ZHX3: variants seen among roughly 807,000 people sequenced by gnomAD.
ZHX3 encodes the protein zinc fingers and homeoboxes 3, also known as zinc fingers and homeoboxes protein 3.
A neutral mutation model predicts 64.5 loss-of-function variants in ZHX3; 20 were observed. The observed-to-expected ratio is 0.31, with a 90% CI of 0.22 to 0.45. The LOEUF is 0.45. Ranked by LOEUF, ZHX3 falls within the 20% of genes least tolerant of loss-of-function variation. The pLI is 1.00. For missense variants in ZHX3, 1,041 were observed against 1,195.8 expected (o/e 0.87, Z 1.91); for synonymous variants, 423 against 461.6 (o/e 0.92, Z 1.07).
rs1372332177 is a variant in ZHX3 at position 41,202,773 on chromosome 20, T to A, written c.2144A>T (p.His715Leu). Residue 715 changes from histidine to leucine, a missense_variant, in exon 3 of 4, where the codon CAT (histidine) becomes CTT (leucine). By Grantham distance (99) the His-to-Leu change is moderately conservative. Transcript: ENST00000683867. The surrounding 1 kb of genome is among the most constrained non-coding windows in gnomAD (Gnocchi z 7.0). ...ENGSLEMPSSHILAERKVSPI... is the reference protein window; with the variant it reads ...ENGSLEMPSSLILAERKVSPI... ...GCTGACTTTGCGCTCTGCCAAGATA[T>A]GGCTGCTGGGCATTTCCAGAGAGCC... 6.2e-7 allele frequency: 1 copy of A among 1,614,174 alleles called. No individual in the cohort carries two copies. The highest frequency in any genetic ancestry group is 2.2e-5 in the East Asian group (1 of 44,876).
intron 2 of ZHX3, among the ~76,000 whole-genome samples, chr20:41,208,643 C>T (rs926860750): frequency 2.0e-5 from 3 of 152,076 alleles, no homozygotes; most frequent in South Asian, 4.2e-4. Flanking sequence ...ATTCAACAGC[C>T]CTTCATGCTA....
chr20:41,253,245 T>TA (rs11469825), intron 2 of ZHX3, among the ~76,000 whole-genome samples: 1,660 of 144,248 alleles, frequency 0.012, 13 homozygotes, highest in Middle Eastern at 0.018. Context: ...GGGACTACAG[T>TA]AAAAAAAAAA....
At position 41,184,459 on chromosome 20, in the gene ZHX3, G is replaced by GT. The variant is rs2036361236; in HGVS notation, c.*731dup. Reference sequence around the variant, plus strand: ...ACTCCCATGAAAAAGCAGAATTACGGTAACAACTAAAGAGAATGGTAAAGC... The same window carrying GT: ...ACTCCCATGAAAAAGCAGAATTACGGTTAACAACTAAAGAGAATGGTAAAGC... On this transcript the variant is annotated 3_prime_UTR_variant, in exon 4 of 4. Transcript: ENST00000683867. 1 of 157,920 alleles carries GT rather than the reference G, an allele frequency of 6.3e-6. No homozygotes were observed. Among genetic ancestry groups the GT allele is most frequent in the Admixed American group, 6.2e-5 (1 of 16,156 alleles). 9.8% of individuals were successfully genotyped at this position (157,920 alleles called of 1,614,324 possible). A position where few individuals can be genotyped will look rare whatever the true frequency, so the allele number is the denominator to read the frequency against.
intron 1 of ZHX3, among the ~76,000 whole-genome samples, chr20:41,306,011 A>T (rs2044969109): frequency 6.6e-6 from 1 of 152,174 alleles, no homozygotes; most frequent in Non-Finnish European, 1.5e-5. Context: ...ATTTCTGGTT[A>T]TATAGTAAAT....
chr20:41,272,560 C>T (rs1241147695), intron 1 of ZHX3, among the ~76,000 whole-genome samples: 1 of 152,158 alleles, frequency 6.6e-6, no homozygotes, highest in Non-Finnish European at 1.5e-5. Flanking sequence ...CTCCTGACAA[C>T]CACTAATATG....
At chr20:41,255,005 T>G (rs1409380000) in intron 2 of ZHX3, among the ~76,000 whole-genome samples, 1 of 151,996 alleles carries the variant, frequency 6.6e-6, no homozygotes, top group East Asian at 1.9e-4. Flanking sequence ...GTGGCATTGA[T>G]GAACTGGGAC....
intron 2 of ZHX3, among the ~76,000 whole-genome samples, chr20:41,247,642 C>T (rs1382461270): frequency 6.6e-6 from 1 of 152,122 alleles, no homozygotes; most frequent in Admixed American, 6.5e-5. Flanking sequence ...AACTTGCACC[C>T]TGAGTAAGGT....
chr20:41,236,571 T>C (rs976784893), intron 2 of ZHX3, among the ~76,000 whole-genome samples: 6 of 152,170 alleles, frequency 3.9e-5, no homozygotes, highest in Non-Finnish European at 7.3e-5. Flanking sequence ...TAGCCATATG[T>C]AGAAAGCTGA....
In ZHX3 at chr20:41,183,937, G is replaced by C. The variant is rs763626309; in HGVS notation, c.*1254C>G. ...GCTAAAGTAGAGTTCTTGTTTCCAA[G>C]TTTGGGGACATAAATATAAAACTTT... is the stretch of plus-strand genomic sequence containing the variant. On this transcript the variant is annotated 3_prime_UTR_variant, in exon 4 of 4. Coordinates refer to ENST00000683867, the MANE Select transcript of ZHX3 (RefSeq NM_001384317.1). The surrounding 1 kb of genome is among the most constrained non-coding windows in gnomAD (Gnocchi z 5.3). 6 of 152,186 alleles carry C rather than the reference G, an allele frequency of 3.9e-5. No homozygotes were observed. The highest frequency in any genetic ancestry group is 2.1e-4 in the South Asian group (1 of 4,834). The allele number at this position is 152,186 out of a possible 1,614,324, so 9.4% of individuals were successfully genotyped here.
intron 2 of ZHX3, among the ~76,000 whole-genome samples, chr20:41,215,311 C>CA (rs778857758): frequency 1.2e-4 from 18 of 152,018 alleles, no homozygotes; most frequent in Non-Finnish European, 2.2e-4. Context: ...AAAATAAAAA[C>CA]AAAAGTGCAT....
At chr20:41,264,770 G>A (rs897733447) in intron 2 of ZHX3, among the ~76,000 whole-genome samples, 5 of 151,950 alleles carry the variant, frequency 3.3e-5, no homozygotes, top group African/African-American at 7.3e-5. Flanking sequence ...AGCTCACTCC[G>A]AACTTACGCT....
intron 2 of ZHX3, among the ~76,000 whole-genome samples, chr20:41,210,597 A>T (rs1341713569): frequency 2.0e-5 from 3 of 152,216 alleles, no homozygotes; most frequent in Non-Finnish European, 4.4e-5. Context: ...TATCACAAGG[A>T]CAGAAAACCA....
At chr20:41,295,373 T>C (rs974238405) in intron 1 of ZHX3, among the ~76,000 whole-genome samples, 4 of 152,276 alleles carry the variant, frequency 2.6e-5, no homozygotes, top group East Asian at 1.9e-4. Flanking sequence ...GCAGGTTACA[T>C]AGCAACATGG....
At position 41,204,474 on chromosome 20, in the gene ZHX3, T is replaced by G; in HGVS notation, c.443A>C (p.His148Pro). The G allele has an allele frequency of 1.9e-6, 3 of 1,614,206 alleles. No homozygotes were observed. The highest frequency in any genetic ancestry group is 2.5e-6 in the Non-Finnish European group (3 of 1,180,044). The change falls in exon 3 of 4, where the codon CAT becomes CCT. Residue 148 changes from histidine (H) to proline (P), a missense_variant. Around this residue, in one of 4 missense-constraint regions of ZHX3, gnomAD observed 358 missense variants for 369.1 expected, o/e 0.97. Coordinates refer to ENST00000683867, the MANE Select transcript of ZHX3 (RefSeq NM_001384317.1). The surrounding 1 kb of genome is among the most constrained non-coding windows in gnomAD (Gnocchi z 6.6). Reference sequence around the variant, plus strand: ...AGGGATGCTCTGCTCCACAACCACATGATTGTCTGGCTTGGCCACGTTCCA... The same window carrying G: ...AGGGATGCTCTGCTCCACAACCACAGGATTGTCTGGCTTGGCCACGTTCCA... ...FVWNVAKPDN[H>P]VVVEQSIPES...
chr20:41,246,867 CATCTGAAAAAA>C (rs1203444324), intron 2 of ZHX3, among the ~76,000 whole-genome samples: 2 of 135,840 alleles, frequency 1.5e-5, no homozygotes, highest in Non-Finnish European at 3.1e-5. Flanking sequence ...AGCAAGACTC[CATCTGAAAAAA>C]AAAAACCAAA....
intron 3 of ZHX3, among the ~76,000 whole-genome samples, chr20:41,188,727 T>C (rs1336152189): frequency 6.6e-6 from 1 of 151,894 alleles, no homozygotes; most frequent in East Asian, 1.9e-4. Flanking sequence ...ATATGATTTT[T>C]TGTTGAATTC....
At chr20:41,263,395 AT>A (rs11479971) in intron 2 of ZHX3, among the ~76,000 whole-genome samples, 78,600 of 140,132 alleles carry the variant, frequency 0.56, 22,420 homozygotes, top group East Asian at 0.8. Context: ...CATTAGAGGA[AT>A]TTTTTTTTTT....
At chr20:41,243,453 G>A (rs1162579562) in intron 2 of ZHX3, among the ~76,000 whole-genome samples, 1 of 152,158 alleles carries the variant, frequency 6.6e-6, no homozygotes, top group African/African-American at 2.4e-5. Context: ...CTATGGACCA[G>A]GTTCTATGCT....
intron 2 of ZHX3, among the ~76,000 whole-genome samples, chr20:41,261,874 T>A (rs998954187): frequency 2.0e-4 from 31 of 152,186 alleles, no homozygotes; most frequent in African/African-American, 6.3e-4. Flanking sequence ...CTCCTAGATA[T>A]GTTTTCCTAG....
Sources: allele counts gnomAD v4.1 joint callset (sites outside exome capture counted in the v4.1 genomes callset), GRCh38; gene constraint gnomAD v4.1.1; regional missense constraint gnomAD v4.1.1; non-coding constraint Gnocchi (gnomAD v3.1); transcripts MANE v1.5; gene names NCBI Gene and HGNC (gene_info 2026-07-23, HGNC 2026-07-21).